The following RAB27A variants were observed in gnomAD, a reference collection of about 807,000 sequenced individuals.
RAB27A encodes the protein ras-related protein Rab-27A.
In RAB27A, 17 loss-of-function variants were observed where a neutral mutation model predicts 20.8. The ratio of observed to expected loss-of-function variants is 0.82; its 90% CI spans 0.56 to 1.23. The LOEUF (loss-of-function observed/expected upper bound fraction) is 1.23. Ranked by LOEUF, RAB27A falls within the 50% of genes most tolerant of loss-of-function variation. RAB27A has a pLI of 0.00. For synonymous variants in RAB27A, 85 were observed against 92.8 expected (o/e 0.92, Z 0.48); for missense variants, 277 against 266.7 (o/e 1.04, Z -0.27).
At chr15:55,220,237 GT>G (rs571756142) in intron 6 of RAB27A, among the ~76,000 whole-genome samples, 10 of 150,538 alleles carry the variant, frequency 6.6e-5, no homozygotes, top group African/African-American at 2.5e-4. Flanking sequence ...ATGATCTGGG[GT>G]TTTTTTGTTT....
intron 3 of RAB27A, among the ~76,000 whole-genome samples, chr15:55,231,280 T>C (rs1200364625): frequency 2.0e-5 from 3 of 152,214 alleles, no homozygotes; most frequent in Non-Finnish European, 4.4e-5. Context: ...CAATAAACAT[T>C]TGAGTGCAGA....
At chr15:55,208,819 T>A (rs772360244) in intron 6 of RAB27A, among the ~76,000 whole-genome samples, 2 of 152,184 alleles carry the variant, frequency 1.3e-5, no homozygotes, top group Non-Finnish European at 2.9e-5. Flanking sequence ...TTAAGTAGCA[T>A]GTCCTCTAGA....
intron 2 of RAB27A, among the ~76,000 whole-genome samples, chr15:55,260,985 G>C (rs1897248832): frequency 6.6e-6 from 1 of 151,620 alleles, no homozygotes. Flanking sequence ...GTACCACTCT[G>C]GTATGGGATG....
intron 2 of RAB27A, among the ~76,000 whole-genome samples, chr15:55,303,927 C>A (rs1479754978): frequency 6.8e-6 from 1 of 147,868 alleles, no homozygotes; most frequent in Admixed American, 6.6e-5. Context: ...AAGTGAGGAG[C>A]CCCTCTGCCC....
chr15:55,284,931 C>T (rs562659952), intron 1 of RAB27A, among the ~76,000 whole-genome samples: 1 of 152,256 alleles, frequency 6.6e-6, no homozygotes, highest in South Asian at 2.1e-4. Flanking sequence ...TGGATACATG[C>T]ACAATCACCA....
intron 1 of RAB27A, among the ~76,000 whole-genome samples, chr15:55,316,759 A>G (rs1450775818): frequency 2.6e-5 from 4 of 152,168 alleles, no homozygotes; most frequent in African/African-American, 9.7e-5. Context: ...ATTAAAAAAC[A>G]TCTGTGTCAT....
chr15:55,256,185 T>A (rs1280379343), intron 2 of RAB27A, among the ~76,000 whole-genome samples: 1 of 151,984 alleles, frequency 6.6e-6, no homozygotes, highest in East Asian at 1.9e-4. Context: ...GAGACTGAGG[T>A]AGGAGGATCA....
At chr15:55,226,639 G>A (rs868426408) in intron 5 of RAB27A, among the ~76,000 whole-genome samples, 2 of 152,128 alleles carry the variant, frequency 1.3e-5, no homozygotes, top group Non-Finnish European at 2.9e-5. Context: ...GGAGGCTGAG[G>A]CGCGTGGATC....
chr15:55,290,675 T>TA (rs1898285360), upstream of RAB27A, among the ~76,000 whole-genome samples: 2 of 152,254 alleles, frequency 1.3e-5, no homozygotes, highest in East Asian at 1.9e-4. Flanking sequence ...GCCTGCGGGG[T>TA]AGTGAACCTG....
In RAB27A at chr15:55,299,112, G is replaced by A. The variant is rs928468498; in HGVS notation, c.-112+14927C>T. 2.6e-5 allele frequency among the ~76,000 whole-genome samples: 4 copies of A among 152,150 alleles called. No homozygotes were observed. In the South Asian group the frequency reaches 6.2e-4, roughly 24 times the overall value. ...AAAGACAGGCATAGAAAATCACAAC[G>A]GTATTGATTGGGGAAGTGATAAGTG... On this transcript the variant is annotated intron_variant, in intron 2 of 5. Coordinates refer to the RAB27A transcript ENST00000563262.
chr15:55,270,344 A>G (rs1418162002), intron 1 of RAB27A, 60 bp from the exon 2 acceptor site: 1 of 152,234 alleles, frequency 6.6e-6, no homozygotes, highest in Non-Finnish European at 1.5e-5. Context: ...AAGTTTTTCA[A>G]AAGAGTCTTT....
intron 2 of RAB27A, among the ~76,000 whole-genome samples, chr15:55,236,016 G>T (rs1354539436): frequency 6.6e-6 from 1 of 152,094 alleles, no homozygotes; most frequent in Non-Finnish European, 1.5e-5. Context: ...CGGGTGGAAA[G>T]GGTGGGAGGC....
At chr15:55,310,819 CTAAGA>C (rs1202103817) in intron 2 of RAB27A, among the ~76,000 whole-genome samples, 3 of 152,030 alleles carry the variant, frequency 2.0e-5, no homozygotes, top group Admixed American at 1.3e-4. Flanking sequence ...AACTTATCCT[CTAAGA>C]TTAGTTGGCC....
At chr15:55,246,766 C>A (rs182956069) in intron 2 of RAB27A, among the ~76,000 whole-genome samples, 1 of 151,992 alleles carries the variant, frequency 6.6e-6, no homozygotes, top group African/African-American at 2.4e-5. Flanking sequence ...CAAAAGTCTG[C>A]TCAACCCATA....
intron 1 of RAB27A, among the ~76,000 whole-genome samples, chr15:55,278,049 C>T (rs1897920823): frequency 6.6e-6 from 1 of 152,178 alleles, no homozygotes; most frequent in Non-Finnish European, 1.5e-5. Context: ...TACTCACTTG[C>T]ATATTGTTAT....
chr15:55,284,265 T>C (rs185402265), intron 1 of RAB27A, among the ~76,000 whole-genome samples: 208 of 152,318 alleles, frequency 1.4e-3, no homozygotes, highest in African/African-American at 4.7e-3. Flanking sequence ...CTATCTACCT[T>C]GGTCCTTGTC....
At chr15:55,316,438 G>T (rs574602420) in intron 1 of RAB27A, among the ~76,000 whole-genome samples, 1 of 147,060 alleles carries the variant, frequency 6.8e-6, no homozygotes, top group Non-Finnish European at 1.5e-5. Context: ...GGCGGGTGGG[G>T]GGCAAGGGGA....
At chr15:55,257,853 C>T (rs1470240680) in intron 2 of RAB27A, among the ~76,000 whole-genome samples, 2 of 152,044 alleles carry the variant, frequency 1.3e-5, no homozygotes, top group East Asian at 1.9e-4. Context: ...ATTAGCCAGG[C>T]GTGCAGGTGG....
At chr15:55,215,574 C>G (rs1006698159) in intron 6 of RAB27A, among the ~76,000 whole-genome samples, 5 of 146,272 alleles carry the variant, frequency 3.4e-5, no homozygotes, top group African/African-American at 1.0e-4. Context: ...ATGGCGTGAA[C>G]CCGGGAAGCG....
Sources: allele counts gnomAD v4.1 joint callset (sites outside exome capture counted in the v4.1 genomes callset), GRCh38; gene constraint gnomAD v4.1.1; transcripts MANE v1.5; gene names NCBI Gene and HGNC (gene_info 2026-07-23, HGNC 2026-07-21).